The following TMEM87A variants were observed in gnomAD, a reference collection of about 807,000 sequenced individuals.
TMEM87A encodes Golgi-pH regulating cation channel.
TMEM87A carries 50 observed loss-of-function variants against 90.0 expected under a neutral mutation model. The ratio of observed to expected loss-of-function variants is 0.56; its 90% CI spans 0.44 to 0.70. TMEM87A has a LOEUF of 0.70. TMEM87A is among the 30% of genes least tolerant of loss of function. The pLI, the probability that TMEM87A is intolerant of heterozygous loss-of-function variation, is 0.00. For synonymous variants in TMEM87A, 226 were observed against 226.7 expected (o/e 1.00, Z 0.03); for missense variants, 577 against 660.5 (o/e 0.87, Z 1.39).
intron 1 of TMEM87A, chr15:42,272,792 T>C: frequency 5.3e-6 from 2 of 376,226 alleles, no homozygotes; most frequent in Non-Finnish European, 1.0e-5. Flanking sequence ...CATTCCAAAG[T>C]TGAAGCGAAG....
In TMEM87A at chr15:42,228,800, T is replaced by C. The variant is rs141308392; in HGVS notation, c.1152A>G (p.Gln384=). The C allele has an allele frequency of 8.1e-5, 129 of 1,600,538 alleles. No homozygotes were observed. The highest frequency in any genetic ancestry group is 1.1e-4 in the Non-Finnish European group (125 of 1,175,128). ...TCCGAAGTTTTAATAGCTTCATTGT[T>C]TGAGTCAGGCTAATAAATATGTGTT... ...LCWWIFISLT[Q]TMKLLKLRRN... Residue 384 remains glutamine (Q), a synonymous_variant, in exon 13 of 20, where the codon CAA becomes CAG. Coordinates refer to ENST00000389834, the MANE Select transcript of TMEM87A (RefSeq NM_015497.5).
intron 7 of TMEM87A, 63 bp downstream of exon 7, chr15:42,243,987 G>C (rs2050922386): frequency 1.0e-6 from 1 of 982,926 alleles, no homozygotes; most frequent in Middle Eastern, 3.3e-4. Flanking sequence ...AAAAGCATAT[G>C]TAAAGTACAT....
At chr15:42,236,194 C>T (rs2140940473) in intron 10 of TMEM87A, 126 bp downstream of exon 10, 2 of 842,704 alleles carry the variant, frequency 2.4e-6, no homozygotes, top group East Asian at 5.1e-5. Context: ...ATTTCAAATA[C>T]CTTTCTTGTT....
rs374648537 is a variant in TMEM87A at position 42,238,749 on chromosome 15, C to CTTTT, written c.684+917_684+920dup. 1.8e-4 allele frequency among the ~76,000 whole-genome samples: 22 copies of CTTTT among 119,568 alleles called. 2 individuals carry two copies. The highest frequency in any genetic ancestry group is 2.9e-4 in the South Asian group (1 of 3,470). 78.4% of individuals were successfully genotyped at this position (119,568 alleles called of 152,430 possible). A position where few individuals can be genotyped will look rare whatever the true frequency, so the allele number is the denominator to read the frequency against. ...AGCCTGGGAGACAGAGTGAGACTCTCTTTTTTTTTTTTTTTTTTTAAAGAA... is the reference window on the plus strand; with the variant it reads ...AGCCTGGGAGACAGAGTGAGACTCTCTTTTTTTTTTTTTTTTTTTTTTTAAAGAA... On this transcript the variant is annotated intron_variant, in intron 8 of 19. Transcript: ENST00000389834.
chr15:42,214,700 G>A (rs2050351904), intron 19 of TMEM87A, among the ~76,000 whole-genome samples: 1 of 152,130 alleles, frequency 6.6e-6, no homozygotes, highest in Non-Finnish European at 1.5e-5. Flanking sequence ...ACTTAGACAA[G>A]TCAAAATAGA....
intron 6 of TMEM87A, among the ~76,000 whole-genome samples, chr15:42,247,372 C>A (rs1316583818): frequency 2.0e-5 from 3 of 152,100 alleles, no homozygotes; most frequent in African/African-American, 7.2e-5. Flanking sequence ...ATGCCTATGT[C>A]CTGAATGGTA....
At chr15:42,243,460 GA>G (rs1232917344) in intron 7 of TMEM87A, among the ~76,000 whole-genome samples, 1 of 150,836 alleles carries the variant, frequency 6.6e-6, no homozygotes, top group Non-Finnish European at 1.5e-5. Context: ...AGCAACCTTG[GA>G]AAGGAGAACA....
At chr15:42,218,223 T>C in intron 18 of TMEM87A, 100 bp downstream of exon 18, 1 of 1,132,194 alleles carries the variant, frequency 8.8e-7, no homozygotes, top group Non-Finnish European at 1.3e-6. Flanking sequence ...TATTTTTCAG[T>C]ATCTTGTATT....
intron 14 of TMEM87A, among the ~76,000 whole-genome samples, chr15:42,227,372 G>A (rs559833868): frequency 9.2e-5 from 14 of 152,260 alleles, no homozygotes; most frequent in South Asian, 4.2e-4. Context: ...ATTCAGATTA[G>A]TATTATTTAC....
chr15:42,225,900 T>C (rs1156970992), intron 15 of TMEM87A, among the ~76,000 whole-genome samples: 1 of 152,156 alleles, frequency 6.6e-6, no homozygotes, highest in Non-Finnish European at 1.5e-5. Context: ...TTATACTTGG[T>C]TTTATGGTGC....
intron 19 of TMEM87A, among the ~76,000 whole-genome samples, chr15:42,216,531 A>C (rs904301377): frequency 6.6e-6 from 1 of 152,220 alleles, no homozygotes; most frequent in South Asian, 2.1e-4. Flanking sequence ...GGTTTCAATT[A>C]ATCAGCCTTC....
At chr15:42,250,334 G>A (rs1053024553) in intron 6 of TMEM87A, among the ~76,000 whole-genome samples, 4 of 152,186 alleles carry the variant, frequency 2.6e-5, no homozygotes, top group Non-Finnish European at 4.4e-5. Flanking sequence ...TATTTTGCCC[G>A]TTGGTTGATG....
chr15:42,213,324 C>G (rs1197220281), intron 19 of TMEM87A, among the ~76,000 whole-genome samples: 1 of 152,220 alleles, frequency 6.6e-6, no homozygotes, highest in East Asian at 1.9e-4. Context: ...GAAGTTTGGA[C>G]TAGCAAGCAT....
At chr15:42,221,400 G>A (rs1389370889) in intron 15 of TMEM87A, among the ~76,000 whole-genome samples, 2 of 152,116 alleles carry the variant, frequency 1.3e-5, no homozygotes, top group Non-Finnish European at 2.9e-5. Flanking sequence ...ATTCGTAAGA[G>A]TCACAAATTT....
At chr15:42,246,041 T>G (rs2050965898) in intron 6 of TMEM87A, among the ~76,000 whole-genome samples, 1 of 152,236 alleles carries the variant, frequency 6.6e-6, no homozygotes, top group African/African-American at 2.4e-5. Context: ...CTGTACTCAT[T>G]AAGCAGTAGC....
chr15:42,216,545 G>T (rs2050386493), intron 19 of TMEM87A, among the ~76,000 whole-genome samples: 1 of 152,178 alleles, frequency 6.6e-6, no homozygotes, highest in African/African-American at 2.4e-5. Context: ...AGCCTTCTCT[G>T]CTTATAGCAG....
chr15:42,224,221 T>C (rs1159550263), intron 15 of TMEM87A, among the ~76,000 whole-genome samples: 2 of 151,994 alleles, frequency 1.3e-5, no homozygotes, highest in Non-Finnish European at 2.9e-5. Flanking sequence ...CCAGGAGGGG[T>C]TGGAAACTAA....
At chr15:42,271,121 C>T (rs1249225145) in intron 2 of TMEM87A, among the ~76,000 whole-genome samples, 1 of 152,182 alleles carries the variant, frequency 6.6e-6, no homozygotes, top group African/African-American at 2.4e-5. Context: ...GGTTTCAGAA[C>T]TAAAAGGAAG....
intron 6 of TMEM87A, among the ~76,000 whole-genome samples, chr15:42,251,016 T>C (rs552157415): frequency 1.3e-5 from 2 of 152,242 alleles, no homozygotes; most frequent in South Asian, 4.1e-4. Context: ...TACCCTTTCT[T>C]CCACTTGATC....
Sources: gnomAD v4.1 joint callset for allele counts (sites outside exome capture counted in the v4.1 genomes callset) on GRCh38, gnomAD v4.1.1 for gene constraint, MANE v1.5 for transcripts, NCBI Gene and HGNC (gene_info 2026-07-23, HGNC 2026-07-21) for gene names.